Variants in HRAS observed in about 807,000 individuals in gnomAD.
The protein encoded by HRAS is HRas proto-oncogene, GTPase, also known as GTPase HRas.
HRAS carries 11 observed loss-of-function variants against 19.8 expected under a neutral mutation model. The ratio of observed to expected loss-of-function variants is 0.55; its 90% CI spans 0.35 to 0.92. HRAS has a LOEUF of 0.92. HRAS is among the 40% of genes least tolerant of loss of function. The pLI, the probability that HRAS is intolerant of heterozygous loss-of-function variation, is 0.01. For synonymous variants in HRAS, 149 were observed against 105.5 expected (o/e 1.41, Z -2.52); for missense variants, 204 against 255.9 (o/e 0.80, Z 1.38).
At chr11:535,030 C>T (rs970379373) in intron 1 of HRAS, among the ~76,000 whole-genome samples, 2 of 152,146 alleles carry the variant, frequency 1.3e-5, no homozygotes, top group Admixed American at 6.5e-5. Flanking sequence ...CTGAGGCCCC[C>T]GGCCTGGTCC....
At chr11:533,203 C>T in intron 4 of HRAS, 9 of 1,333,994 alleles carry the variant, frequency 6.7e-6, no homozygotes, top group Non-Finnish European at 7.2e-6. Context: ...GCTGTGTCGG[C>T]CCAGGACTGC....
At position 534,314 on chromosome 11, in the gene HRAS, T is replaced by C; in HGVS notation, c.9A>G (p.Glu3=). 1 of 1,612,460 alleles carries C rather than the reference T, an allele frequency of 6.2e-7. No individual in the cohort carries two copies. The highest frequency in any genetic ancestry group is 8.5e-7 in the Non-Finnish European group (1 of 1,179,728). The change falls in exon 2 of 6, where the codon GAA becomes GAG. Residue 3 remains glutamate, a synonymous_variant. Coordinates refer to ENST00000311189, the MANE Select transcript of HRAS (RefSeq NM_005343.4). The part of the protein sequence containing the change: MT[E]YKLVVVGAGG... ...CGGCGCCCACCACCACCAGCTTATA[T>C]TCCGTCATCGCTCCTCAGGGGCCTG...
intron 1 of HRAS, chr11:534,658 A>C: frequency 4.9e-6 from 2 of 404,952 alleles, no homozygotes; most frequent in South Asian, 2.8e-5. Context: ...CCCAAATTAG[A>C]AGCTGCTGGG....
intron 2 of HRAS, 39 bp downstream of exon 2, chr11:534,173 C>G (rs2133993676): frequency 6.6e-7 from 1 of 1,517,770 alleles, no homozygotes; most frequent in Non-Finnish European, 9.1e-7. Flanking sequence ...GGCTCGCCCG[C>G]AGCAGCTGCT....
Position 532,523 on chromosome 11 carries a change from C to G in HRAS, c.*6-1G>C. On this transcript the variant is annotated splice_acceptor_variant, in intron 5 of 5. Coordinates refer to ENST00000311189, the MANE Select transcript of HRAS (RefSeq NM_005343.4). LOFTEE classifies it low-confidence loss of function (3UTR_SPLICE). ...GGCACCTCCATGTCCTGAGCTTGTG[C>G]TGGGCGGGGCACAAGGGAGGCTGCT... The G allele has an allele frequency of 7.0e-7, 1 of 1,428,918 alleles. No homozygotes were observed. Among genetic ancestry groups the G allele is most frequent in the South Asian group, 1.2e-5 (1 of 81,126 alleles). The allele number at this position is 1,428,918 out of a possible 1,614,324, so 88.5% of individuals were successfully genotyped here. A position where few individuals can be genotyped will look rare whatever the true frequency, so the allele number is the denominator to read the frequency against.
chr11:533,706 G>A lies in HRAS; in HGVS notation c.290+60C>T, dbSNP rs530529842. 6.8e-6 allele frequency: 11 copies of A among 1,610,796 alleles called. No homozygotes were observed. The South Asian group carries it at 7.7e-5, about 11-fold the overall frequency. On this transcript the variant is annotated intron_variant, in intron 3 of 5. Transcript: ENST00000311189. The stretch of plus-strand genomic sequence containing the variant: ...GAGGACAGGAGGCCCCTGCCTGGAC[G>A]CAGCCGGCCTGGCCCCACCTGTGCG...
chr11:533,745 G>A (rs1269799413), intron 3 of HRAS, 21 bp downstream of exon 3: 2 of 1,613,004 alleles, frequency 1.2e-6, no homozygotes, highest in Non-Finnish European at 8.5e-7. Flanking sequence ...TGGGCTCCCG[G>A]GCCAGCCTCA....
In HRAS at chr11:534,263, G is replaced by A. The variant is rs774042283; in HGVS notation, c.60C>T (p.Thr20=). ...GAGGVGKSAL[T]IQLIQNHFVD... Reference sequence around the variant, plus strand: ...CAAAATGGTTCTGGATCAGCTGGATGGTCAGCGCACTCTTGCCCACACCGC... The same window carrying A: ...CAAAATGGTTCTGGATCAGCTGGATAGTCAGCGCACTCTTGCCCACACCGC... The change falls in exon 2 of 6, where the codon ACC becomes ACT. Residue 20 remains threonine, a synonymous_variant. Transcript: ENST00000311189. 3.1e-6 allele frequency: 5 copies of A among 1,613,672 alleles called. No individual in the cohort carries two copies. The highest frequency in any genetic ancestry group is 2.2e-5 in the South Asian group (2 of 91,080).
Position 532,539 on chromosome 11 carries a change from G to C in HRAS, c.*6-17C>G. ...GAGCTTGTGCTGGGCGGGGCACAAG[G>C]GAGGCTGCTGACCGCAGGCCAGGAG... On this transcript the variant is annotated splice_polypyrimidine_tract_variant and intron_variant, in intron 5 of 5. Coordinates refer to ENST00000311189, the MANE Select transcript of HRAS (RefSeq NM_005343.4). 1 of 1,524,504 alleles carries C rather than the reference G, an allele frequency of 6.6e-7. No individual in the cohort carries two copies. Among genetic ancestry groups the C allele is most frequent in the Non-Finnish European group, 8.8e-7 (1 of 1,132,744 alleles). The allele number at this position is 1,524,504 out of a possible 1,614,324, so 94.4% of individuals were successfully genotyped here.
intron 4 of HRAS, 87 bp from the exon 5 acceptor site, chr11:532,842 C>T: frequency 1.4e-6 from 2 of 1,392,244 alleles, no homozygotes; most frequent in South Asian, 2.3e-5. Flanking sequence ...TCAAGCCTTG[C>T]CTGGCCCGAA....
chr11:533,197 T>C, intron 4 of HRAS: 2 of 1,275,042 alleles, frequency 1.6e-6, no homozygotes, highest in Non-Finnish European at 2.2e-6. Flanking sequence ...CCCGGAGCTG[T>C]GTCGGCCCAG....
chr11:533,376 G>A (rs370743041), intron 4 of HRAS, 77 bp downstream of exon 4: 43 of 1,603,490 alleles, frequency 2.7e-5, no homozygotes, highest in Non-Finnish European at 3.7e-5. Context: ...AAGGGAGAGG[G>A]TCAGTGAGTG....
At chr11:532,875 TC>T (rs1851192766) in intron 4 of HRAS, 120 bp from the exon 5 acceptor site, 1 of 972,852 alleles carries the variant, frequency 1.0e-6, no homozygotes, top group Non-Finnish European at 1.6e-6. Flanking sequence ...ACCAGCCACT[TC>T]CCCAGGCCCA....
At chr11:534,934 G>T (rs1189000410) in intron 1 of HRAS, among the ~76,000 whole-genome samples, 1 of 152,246 alleles carries the variant, frequency 6.6e-6, no homozygotes, top group Non-Finnish European at 1.5e-5. Flanking sequence ...GGAGAAGACA[G>T]AGGAGCTCCT....
In HRAS at chr11:533,434, G is replaced by T; in HGVS notation, c.450+19C>A. On this transcript the variant is annotated intron_variant, in intron 4 of 5. Transcript: ENST00000311189. Reference sequence around the variant, plus strand: ...CGGGGCGGGTCCCTGGCTAGCTGTGGGGTGGAGAGCTGCCTCACCTGCCGG... The same window carrying T: ...CGGGGCGGGTCCCTGGCTAGCTGTGTGGTGGAGAGCTGCCTCACCTGCCGG... 6.2e-7 allele frequency: 1 copy of T among 1,612,212 alleles called. No individual in the cohort carries two copies.
chr11:532,478 TGCACCTCCTTCCTGCATCCG>T lies in HRAS; in HGVS notation c.*30_*49del. 1 of 988,544 alleles carries T rather than the reference TGCACCTCCTTCCTGCATCCG, an allele frequency of 1.0e-6. No homozygotes were observed. The highest frequency in any genetic ancestry group is 1.5e-6 in the Non-Finnish European group (1 of 669,134). 61.2% of individuals were successfully genotyped at this position (988,544 alleles called of 1,614,324 possible). ...GTCCTTCCTTCCTCCTCCTTCCGTC[TGCACCTCCTTCCTGCATCCG>T]GCACCTCCATGTCCTGAGCTTGTGC... On this transcript the variant is annotated 3_prime_UTR_variant, in exon 6 of 6. Coordinates refer to ENST00000311189, the MANE Select transcript of HRAS (RefSeq NM_005343.4).
At chr11:533,202 G>A in intron 4 of HRAS, 1 of 1,320,918 alleles carries the variant, frequency 7.6e-7, no homozygotes, top group Non-Finnish European at 1.0e-6. Flanking sequence ...AGCTGTGTCG[G>A]CCCAGGACTG....
chr11:533,287 G>A (rs2133984990), intron 4 of HRAS, 166 bp downstream of exon 4: 1 of 1,594,450 alleles, frequency 6.3e-7, no homozygotes. Context: ...AGCGCGAGGG[G>A]CCGCTGGGTC....
At chr11:534,544 G>C (rs1851337875) in intron 1 of HRAS, 169 bp from the exon 2 acceptor site, 2 of 595,194 alleles carry the variant, frequency 3.4e-6, no homozygotes, top group East Asian at 5.5e-5. Context: ...CAGCGTGCGG[G>C]AGGGCTGTCG....
Sources: allele counts gnomAD v4.1 joint callset (sites outside exome capture counted in the v4.1 genomes callset), GRCh38; gene constraint gnomAD v4.1.1; transcripts MANE v1.5; gene names NCBI Gene and HGNC (gene_info 2026-07-23, HGNC 2026-07-21).